The following RANBP2 variants were observed in gnomAD, a reference collection of about 807,000 sequenced individuals.
The protein encoded by RANBP2 is RAN binding protein 2.
In RANBP2, 57 loss-of-function variants were observed where a neutral mutation model predicts 303.6. That is an observed-to-expected ratio of 0.19 (90% CI 0.15 to 0.23). The LOEUF is 0.23. RANBP2 is among the 10% of genes least tolerant of loss of function. RANBP2 has a pLI of 1.00. For synonymous variants in RANBP2, 1,167 were observed against 1,301.5 expected (o/e 0.90, Z 2.23); for missense variants, 3,138 against 3,780.8 (o/e 0.83, Z 4.46).
the RANBP2 span, chr2:109,615,838 G>C: frequency 6.2e-7 from 1 of 1,614,162 alleles, no homozygotes. Context: ...GGGTGGGTCG[G>C]AGGCAAAGCC....
In RANBP2 at chr2:108,751,204, A is replaced by G. The variant is rs1043975679; in HGVS notation, c.1274-60A>G. ...ATAATGTGAATTGTTTATGTTGGCAAAACTAATGGCACAAGGAAAAATTTC... is the reference window on the plus strand; with the variant it reads ...ATAATGTGAATTGTTTATGTTGGCAGAACTAATGGCACAAGGAAAAATTTC... On this transcript the variant is annotated intron_variant, in intron 9 of 28. Coordinates refer to ENST00000283195, the MANE Select transcript of RANBP2 (RefSeq NM_006267.5). 5 of 1,611,752 alleles carry G rather than the reference A, an allele frequency of 3.1e-6. No individual in the cohort carries two copies. The African/African-American group carries it at 4.0e-5, about 13-fold the overall frequency.
At chr2:108,896,074 C>T in the RANBP2 span, 2 of 152,210 alleles carry the variant, frequency 1.3e-5, no homozygotes, top group African/African-American at 4.8e-5. Context: ...GAAGGCCATT[C>T]ACATGTAGTG....
At chr2:109,044,504 T>C in the RANBP2 span, among the ~76,000 whole-genome samples, 48 of 152,096 alleles carry the variant, frequency 3.2e-4, 1 homozygote, top group South Asian at 9.8e-3. Flanking sequence ...GCCTGGACGA[T>C]AGAGCGAGAC....
chr2:109,102,621 T>C, the RANBP2 span, among the ~76,000 whole-genome samples: 1 of 152,104 alleles, frequency 6.6e-6, no homozygotes, highest in Non-Finnish European at 1.5e-5. Flanking sequence ...GGAATAATAA[T>C]ATCAATGATC....
the RANBP2 span, among the ~76,000 whole-genome samples, chr2:109,232,842 C>T: frequency 2.6e-5 from 4 of 152,170 alleles, no homozygotes; most frequent in Non-Finnish European, 4.4e-5. Flanking sequence ...AAAATTTTAT[C>T]GAGGTTCAAT....
chr2:109,187,361 C>CTTT, the RANBP2 span, among the ~76,000 whole-genome samples: 361 of 150,380 alleles, frequency 2.4e-3, 3 homozygotes, highest in Non-Finnish European at 3.1e-3. Context: ...CAACCACAGA[C>CTTT]TTTTTTTTTT....
the RANBP2 span, among the ~76,000 whole-genome samples, chr2:109,300,509 C>T: frequency 6.6e-6 from 1 of 152,108 alleles, no homozygotes; most frequent in African/African-American, 2.4e-5. Flanking sequence ...CAGGTAAGCC[C>T]TTGAGTGAGG....
the RANBP2 span, among the ~76,000 whole-genome samples, chr2:109,181,187 A>T: frequency 6.6e-6 from 1 of 152,084 alleles, no homozygotes; most frequent in Admixed American, 6.5e-5. Context: ...TTTCAAATAA[A>T]CCTGTTATTT....
the RANBP2 span, among the ~76,000 whole-genome samples, chr2:109,599,155 A>G: frequency 6.6e-6 from 1 of 151,548 alleles, no homozygotes; most frequent in Admixed American, 6.6e-5. Flanking sequence ...TACAACCCAG[A>G]AAAAAAAGAA....
chr2:109,650,608 C>T, the RANBP2 span, among the ~76,000 whole-genome samples: 8 of 152,286 alleles, frequency 5.3e-5, 1 homozygote, highest in South Asian at 8.3e-4. Context: ...CCATAATCCC[C>T]GTGTGTTGTG....
At chr2:109,354,398 G>GGC in the RANBP2 span, among the ~76,000 whole-genome samples, 1 of 152,220 alleles carries the variant, frequency 6.6e-6, no homozygotes, top group Non-Finnish European at 1.5e-5. Flanking sequence ...CCAGAAAAGT[G>GGC]GCGCAGCGTT....
At chr2:109,371,697 C>A in the RANBP2 span, 5 of 1,610,156 alleles carry the variant, frequency 3.1e-6, no homozygotes, top group East Asian at 4.5e-5. Flanking sequence ...ACCGTGCCGC[C>A]CTCCCACACT....
chr2:109,155,494 G>C, the RANBP2 span, among the ~76,000 whole-genome samples: 1 of 152,036 alleles, frequency 6.6e-6, no homozygotes, highest in Non-Finnish European at 1.5e-5. Context: ...GTAGAGATGG[G>C]GTTTCACGGT....
At chr2:109,045,446 C>T in the RANBP2 span, among the ~76,000 whole-genome samples, 2 of 152,156 alleles carry the variant, frequency 1.3e-5, no homozygotes, top group Non-Finnish European at 2.9e-5. Context: ...GCTTTAATGT[C>T]ACAGAATCAA....
the RANBP2 span, among the ~76,000 whole-genome samples, chr2:109,016,305 G>T: frequency 6.6e-6 from 1 of 151,910 alleles, no homozygotes; most frequent in Non-Finnish European, 1.5e-5. Flanking sequence ...CACCAGGATG[G>T]CCTCGATCTC....
the RANBP2 span, among the ~76,000 whole-genome samples, chr2:109,599,116 A>C: frequency 1.3e-5 from 2 of 152,116 alleles, no homozygotes; most frequent in African/African-American, 4.8e-5. Context: ...AAGCTAATGC[A>C]GACCACACTG....
chr2:109,734,676 A>C, the RANBP2 span, among the ~76,000 whole-genome samples: 1 of 152,276 alleles, frequency 6.6e-6, no homozygotes, highest in South Asian at 2.1e-4. Flanking sequence ...GTGACCCTGA[A>C]TTGCCAAAAG....
chr2:109,106,901 C>T, the RANBP2 span, among the ~76,000 whole-genome samples: 1 of 150,966 alleles, frequency 6.6e-6, no homozygotes, highest in Non-Finnish European at 1.5e-5. Flanking sequence ...CCACACTGCT[C>T]CTGCTTATAA....
downstream of RANBP2, among the ~76,000 whole-genome samples, chr2:108,788,310 C>T (rs1424791643): frequency 1.3e-5 from 2 of 151,976 alleles, no homozygotes; most frequent in African/African-American, 4.8e-5. Flanking sequence ...ATCCCAACTG[C>T]TGGGAAGGCT....
Sources: allele counts gnomAD v4.1 joint callset (sites outside exome capture counted in the v4.1 genomes callset), GRCh38; gene constraint gnomAD v4.1.1; transcripts MANE v1.5; gene names NCBI Gene and HGNC (gene_info 2026-07-23, HGNC 2026-07-21).